The following SBF2 variants were observed in gnomAD, a reference collection of about 807,000 sequenced individuals.
SBF2 encodes SET binding factor 2, also known as myotubularin-related protein 13.
In SBF2, 112 loss-of-function variants were observed where a neutral mutation model predicts 225.2. That is an observed-to-expected ratio of 0.50 (90% confidence interval 0.43 to 0.58). The LOEUF is 0.58. Ranked by LOEUF, SBF2 falls within the 20% of genes least tolerant of loss-of-function variation. The probability of loss-of-function intolerance (pLI) is 0.00; values close to 1 mark genes in which losing one functional copy is unlikely to be tolerated. For synonymous variants in SBF2, 763 were observed against 773.3 expected, an observed-to-expected ratio of 0.99 and a Z score of 0.22; for missense variants, 1,996 against 2,206.2, an observed-to-expected ratio of 0.90 and a Z score of 1.91.
intron 17 of SBF2, among the ~76,000 whole-genome samples, chr11:9,891,901 C>T (rs949183794): frequency 3.3e-5 from 5 of 152,064 alleles, no homozygotes; most frequent in African/African-American, 1.2e-4. Context: ...ATAAACATAA[C>T]CTTTCATCTG....
At chr11:9,945,095 G>T (rs1341824929) in intron 16 of SBF2, among the ~76,000 whole-genome samples, 3 of 152,022 alleles carry the variant, frequency 2.0e-5, no homozygotes, top group Admixed American at 2.0e-4. Flanking sequence ...ACAGAGCCAA[G>T]ATTCTATCTC....
chr11:10,293,745 G>A (rs1000026965), intron 1 of SBF2, among the ~76,000 whole-genome samples: 1 of 152,188 alleles, frequency 6.6e-6, no homozygotes, highest in African/African-American at 2.4e-5. Flanking sequence ...GGAGGGTCGC[G>A]AGACCCCAAC....
At chr11:9,787,929 T>C in intron 35 of SBF2, 191 bp from the exon 36 acceptor site, 2 of 625,994 alleles carry the variant, frequency 3.2e-6, no homozygotes, top group South Asian at 3.8e-5. Context: ...TGTGCCGTAC[T>C]GTGGCAAAGA....
intron 2 of SBF2, among the ~76,000 whole-genome samples, chr11:10,097,703 A>T (rs1952086831): frequency 6.6e-6 from 1 of 152,150 alleles, no homozygotes; most frequent in South Asian, 2.1e-4. Flanking sequence ...GTAGAAAAAA[A>T]GCTTAAATAA....
At chr11:9,998,425 G>T (rs763450719) in intron 8 of SBF2, 46 bp from the exon 9 acceptor site, 2 of 1,033,118 alleles carry the variant, frequency 1.9e-6, no homozygotes, top group African/African-American at 1.6e-5. Flanking sequence ...AAATACATTT[G>T]TTGTTAAGCA....
At chr11:10,189,401 T>C (rs988874229) in intron 2 of SBF2, among the ~76,000 whole-genome samples, 6 of 152,208 alleles carry the variant, frequency 3.9e-5, no homozygotes, top group South Asian at 4.1e-4. Context: ...AGATGGATGA[T>C]TGCTACCCAT....
intron 16 of SBF2, among the ~76,000 whole-genome samples, chr11:9,912,393 T>C (rs1326244516): frequency 2.0e-5 from 3 of 151,944 alleles, no homozygotes; most frequent in East Asian, 1.9e-4. Context: ...AAGACCAGCC[T>C]GGCCAACATG....
In SBF2 at chr11:9,856,615, C is replaced by T. The variant is rs1396400643; in HGVS notation, c.2206G>A (p.Val736Met). Reference protein sequence around the residue: ...TLSKSTQQELVQHEESTVFSQ... With the variant: ...TLSKSTQQELMQHEESTVFSQ... ...AAGACAGTGCTTTCCTCATGTTGCA[C>T]TAGCTCTTGCTGAGTTGACTTGCTC... The change falls in exon 19 of 40, where the codon GTG becomes ATG. Residue 736 changes from valine (V) to methionine (M), a missense_variant. Transcript: ENST00000256190. The T allele has an allele frequency of 1.2e-6, 2 of 1,614,150 alleles. No individual in the cohort carries two copies. Among genetic ancestry groups the T allele is most frequent in the Non-Finnish European group, 1.7e-6 (2 of 1,180,018 alleles).
chr11:10,301,061 T>C (rs1049420507), intron 1 of SBF2, among the ~76,000 whole-genome samples: 8 of 152,196 alleles, frequency 5.3e-5, no homozygotes, highest in African/African-American at 1.9e-4. Flanking sequence ...GCCTGTTTTG[T>C]ACAGGAGCAC....
intron 28 of SBF2, among the ~76,000 whole-genome samples, chr11:9,823,232 T>C (rs1348104673): frequency 6.6e-6 from 1 of 152,192 alleles, no homozygotes; most frequent in African/African-American, 2.4e-5. Flanking sequence ...TATTCACTTC[T>C]TGCTTTTAAA....
At chr11:10,280,653 T>G (rs1042806671) in intron 1 of SBF2, among the ~76,000 whole-genome samples, 4 of 152,238 alleles carry the variant, frequency 2.6e-5, no homozygotes, top group Admixed American at 6.5e-5. Flanking sequence ...CCTCTACTTC[T>G]TATTCTTTAT....
chr11:10,107,676 T>C (rs553761902), intron 2 of SBF2, among the ~76,000 whole-genome samples: 28 of 152,232 alleles, frequency 1.8e-4, no homozygotes, highest in Non-Finnish European at 4.0e-4. Flanking sequence ...CCTTTCCTTC[T>C]AAATTTATTA....
At chr11:10,299,908 C>G (rs1316650347) in intron 1 of SBF2, among the ~76,000 whole-genome samples, 1 of 152,152 alleles carries the variant, frequency 6.6e-6, no homozygotes, top group Admixed American at 6.5e-5. Flanking sequence ...TTTTCCATGT[C>G]ACCATAAATA....
upstream of SBF2, among the ~76,000 whole-genome samples, chr11:10,294,926 A>G (rs1242191929): frequency 1.3e-5 from 2 of 152,262 alleles, no homozygotes; most frequent in Non-Finnish European, 2.9e-5. Context: ...CAGCCCGAGC[A>G]GGTGGACTTC....
intron 16 of SBF2, among the ~76,000 whole-genome samples, chr11:9,905,079 T>C (rs891315971): frequency 2.6e-5 from 4 of 152,206 alleles, no homozygotes; most frequent in Non-Finnish European, 4.4e-5. Flanking sequence ...TTGAATCATA[T>C]AGACAGAGTT....
intron 15 of SBF2, among the ~76,000 whole-genome samples, chr11:9,963,541 A>T (rs2134368460): frequency 6.6e-6 from 1 of 152,362 alleles, no homozygotes; most frequent in Middle Eastern, 3.4e-3. Flanking sequence ...AACAATGTTT[A>T]AAAGTTTGAC....
intron 2 of SBF2, among the ~76,000 whole-genome samples, chr11:10,140,411 G>A (rs746115351): frequency 3.9e-5 from 6 of 152,126 alleles, no homozygotes; most frequent in Non-Finnish European, 7.3e-5. Flanking sequence ...TACACAATGA[G>A]GCCTCCACAA....
chr11:10,171,151 C>T (rs79848277), intron 2 of SBF2, among the ~76,000 whole-genome samples: 14,479 of 151,984 alleles, frequency 0.095, 938 homozygotes, highest in East Asian at 0.28. Context: ...ATCTGGTTGC[C>T]CTAGCTAGAA....
At chr11:10,125,842 C>A (rs1591014338) in intron 2 of SBF2, among the ~76,000 whole-genome samples, 1 of 152,238 alleles carries the variant, frequency 6.6e-6, no homozygotes, top group East Asian at 1.9e-4. Flanking sequence ...TTCCCATAAA[C>A]TTGGCAATTT....
Sources: gnomAD v4.1 joint callset for allele counts (sites outside exome capture counted in the v4.1 genomes callset) on GRCh38, gnomAD v4.1.1 for gene constraint, MANE v1.5 for transcripts, NCBI Gene and HGNC (gene_info 2026-07-23, HGNC 2026-07-21) for gene names.